Variants in FRMD5 observed in about 807,000 individuals in gnomAD.
FRMD5 encodes FERM domain-containing protein 5.
In FRMD5, 20 loss-of-function variants were observed where a neutral mutation model predicts 69.0. The observed-to-expected ratio is 0.29, with a 90% CI of 0.20 to 0.42. The LOEUF is 0.42. Among genes scored for constraint, FRMD5 ranks in the 10% least tolerant of loss-of-function variants. The probability of loss-of-function intolerance (pLI) is 1.00; values close to 1 mark genes in which losing one functional copy is unlikely to be tolerated. For missense variants in FRMD5, 595 were observed against 708.6 expected, an observed-to-expected ratio of 0.84 and a Z score of 1.82; for synonymous variants, 271 against 260.1, an observed-to-expected ratio of 1.04 and a Z score of -0.40.
intron 13 of FRMD5, among the ~76,000 whole-genome samples, chr15:43,880,672 G>C (rs2088500371): frequency 6.6e-6 from 1 of 152,204 alleles, no homozygotes; most frequent in Non-Finnish European, 1.5e-5. Flanking sequence ...GTCCTGGGCT[G>C]GGGGCCATGA....
chr15:43,921,757 T>C (rs190212498), intron 2 of FRMD5, among the ~76,000 whole-genome samples: 95 of 152,280 alleles, frequency 6.2e-4, no homozygotes, highest in African/African-American at 2.2e-3. Flanking sequence ...CTTCAGACTC[T>C]AGGGGCTTGA....
chr15:44,106,135 C>T (rs537712359), intron 1 of FRMD5, among the ~76,000 whole-genome samples: 4 of 152,136 alleles, frequency 2.6e-5, no homozygotes, highest in African/African-American at 9.6e-5. Context: ...TTAAAAAGTA[C>T]GGTTACATTC....
intron 1 of FRMD5, among the ~76,000 whole-genome samples, chr15:43,994,847 T>C (rs1382406542): frequency 6.6e-6 from 1 of 152,228 alleles, no homozygotes; most frequent in Admixed American, 6.5e-5. Flanking sequence ...ACCAGTGAGT[T>C]TGTATGTTTT....
chr15:43,880,509 G>A (rs2088495346), intron 13 of FRMD5, among the ~76,000 whole-genome samples: 1 of 152,142 alleles, frequency 6.6e-6, no homozygotes. Context: ...CCACAGGCTT[G>A]GTAGCCCCTG....
chr15:43,939,260 G>T (rs2089820453), intron 1 of FRMD5, among the ~76,000 whole-genome samples: 1 of 152,164 alleles, frequency 6.6e-6, no homozygotes, highest in Non-Finnish European at 1.5e-5. Flanking sequence ...AAATCCCCCA[G>T]ATGGGGGAGC....
At chr15:43,966,615 T>A (rs1475304847) in intron 1 of FRMD5, among the ~76,000 whole-genome samples, 3 of 152,076 alleles carry the variant, frequency 2.0e-5, no homozygotes, top group African/African-American at 7.2e-5. Context: ...TAGGGATTGA[T>A]AGAATCTAGA....
intron 1 of FRMD5, among the ~76,000 whole-genome samples, chr15:44,041,956 C>G (rs1055991644): frequency 6.6e-6 from 1 of 152,060 alleles, no homozygotes; most frequent in Non-Finnish European, 1.5e-5. Context: ...GAGATAGAGA[C>G]ATGAAAAACC....
At chr15:44,047,328 G>A (rs1250451522) in intron 1 of FRMD5, among the ~76,000 whole-genome samples, 2 of 151,790 alleles carry the variant, frequency 1.3e-5, no homozygotes, top group South Asian at 2.1e-4. Context: ...GAGGGGAGAG[G>A]AGGGGAAAGG....
chr15:43,989,525 G>A, intron 1 of FRMD5: 1 of 900,344 alleles, frequency 1.1e-6, no homozygotes, highest in Non-Finnish European at 1.9e-6. Flanking sequence ...GAAGTCCAGG[G>A]TGACATAGCA....
chr15:44,149,747 T>C (rs1339447204), intron 1 of FRMD5, among the ~76,000 whole-genome samples: 2 of 151,994 alleles, frequency 1.3e-5, no homozygotes, highest in South Asian at 2.1e-4. Flanking sequence ...TCAAAATATA[T>C]AAAGCAAAGA....
At chr15:44,196,689 A>T (rs1401981099), upstream of FRMD5, among the ~76,000 whole-genome samples, 162 of 120,962 alleles carry the variant, frequency 1.3e-3, no homozygotes, top group South Asian at 1.6e-3. Context: ...ATTTTCCCCA[A>T]TTTTTTTTTT....
chr15:43,969,442 C>T (rs930268684), intron 1 of FRMD5, among the ~76,000 whole-genome samples: 1 of 152,090 alleles, frequency 6.6e-6, no homozygotes, highest in Admixed American at 6.6e-5. Context: ...TTCATTCATT[C>T]GGTCATTTAT....
chr15:43,993,939 C>T (rs1216362641), intron 1 of FRMD5, among the ~76,000 whole-genome samples: 1 of 152,130 alleles, frequency 6.6e-6, no homozygotes, highest in Non-Finnish European at 1.5e-5. Context: ...TATGTTTTGC[C>T]GTCCTTTTAC....
At chr15:44,013,655 C>A (rs1473866062) in intron 1 of FRMD5, among the ~76,000 whole-genome samples, 1 of 152,142 alleles carries the variant, frequency 6.6e-6, no homozygotes, top group African/African-American at 2.4e-5. Context: ...TTGTAAAGAA[C>A]AATCTCTCCT....
At chr15:44,018,997 C>A (rs992008141) in intron 1 of FRMD5, among the ~76,000 whole-genome samples, 4 of 151,982 alleles carry the variant, frequency 2.6e-5, no homozygotes, top group Non-Finnish European at 4.4e-5. Context: ...TGGGTTCAAG[C>A]GATTCTCCTG....
At chr15:43,962,921 A>T (rs2090228036) in intron 1 of FRMD5, among the ~76,000 whole-genome samples, 1 of 152,234 alleles carries the variant, frequency 6.6e-6, no homozygotes, top group Non-Finnish European at 1.5e-5. Context: ...TGGATTAAAG[A>T]CTTACATGTT....
Position 44,195,003 on chromosome 15 carries a change from T to C in FRMD5, c.52A>G (p.Ser18Gly), listed in dbSNP as rs764967512. ...GSSRSLEREY[S>G]CTVRLLDDSE... ...TCGTCCAGCAGCCGCACGGTGCAGC[T>C]GTACTCGCGCTCCAGGCTCCTGCTG... The change falls in exon 1 of 14, where the codon AGC (serine) becomes GGC (glycine). Residue 18 changes from serine (S) to glycine (G), a missense_variant. By Grantham distance (56) the Ser-to-Gly change is moderately conservative (BLOSUM62 0). Around this residue, in one of 5 missense-constraint regions of FRMD5, gnomAD observed 44 missense variants for 33.6 expected, o/e 1.31. Coordinates refer to ENST00000417257, the MANE Select transcript of FRMD5 (RefSeq NM_032892.5). 2 of 1,562,040 alleles carry C rather than the reference T, an allele frequency of 1.3e-6. No individual in the cohort carries two copies. The highest frequency in any genetic ancestry group is 1.7e-6 in the Non-Finnish European group (2 of 1,158,612).
At chr15:44,033,941 C>G (rs559123204) in intron 1 of FRMD5, among the ~76,000 whole-genome samples, 1 of 152,256 alleles carries the variant, frequency 6.6e-6, no homozygotes, top group African/African-American at 2.4e-5. Context: ...GATTAGGATT[C>G]GCTCTTATTT....
chr15:44,135,823 C>CA (rs747196640), intron 1 of FRMD5, among the ~76,000 whole-genome samples: 1,380 of 70,348 alleles, frequency 0.02, 23 homozygotes, highest in East Asian at 0.046. Context: ...GACTCTGTCT[C>CA]AAAAAAAAAA....
Sources: gnomAD v4.1 joint callset for allele counts (sites outside exome capture counted in the v4.1 genomes callset) on GRCh38, gnomAD v4.1.1 for gene constraint, gnomAD v4.1.1 regional missense constraint, MANE v1.5 for transcripts, NCBI Gene and HGNC (gene_info 2026-07-23, HGNC 2026-07-21) for gene names.